Variants in SMG6 observed in about 807,000 individuals in gnomAD.
SMG6 encodes SMG6 nonsense mediated mRNA decay factor.
In SMG6, 66 loss-of-function variants were observed where a neutral mutation model predicts 142.2. The ratio of observed to expected loss-of-function variants is 0.46; its 90% CI spans 0.38 to 0.57. The LOEUF (loss-of-function observed/expected upper bound fraction) is 0.57, where lower values mean the gene tolerates loss of function less well. Among genes scored for constraint, SMG6 ranks in the 20% least tolerant of loss-of-function variants. SMG6 has a pLI of 0.00. For synonymous variants in SMG6, 779 were observed against 702.4 expected (o/e 1.11, Z -1.72); for missense variants, 1,793 against 1,832.0 (o/e 0.98, Z 0.39).
chr17:2,212,450 G>C (rs769615466), intron 10 of SMG6, among the ~76,000 whole-genome samples: 1 of 152,142 alleles, frequency 6.6e-6, no homozygotes, highest in Non-Finnish European at 1.5e-5. Context: ...AATCGATCAG[G>C]ACTGCAGTGC....
At chr17:2,270,042 CAAA>C (rs1194146858) in intron 8 of SMG6, among the ~76,000 whole-genome samples, 5 of 151,910 alleles carry the variant, frequency 3.3e-5, no homozygotes, top group Admixed American at 1.3e-4. Context: ...ACGAAAAAAA[CAAA>C]AAAACTAGCA....
Position 2,299,280 on chromosome 17 carries a change from T to A in SMG6, c.1473A>T (p.Ser491=). Residue 491 remains serine, a synonymous_variant, in exon 2 of 19, where the codon TCA becomes TCT. Coordinates refer to ENST00000263073, the MANE Select transcript of SMG6 (RefSeq NM_017575.5). This position sits in a 1 kb window ranked among gnomAD's most constrained non-coding sequence, Gnocchi z 4.3. ...TATAGTAAGATGCCTGAGCCTGGCG[T>A]GAGTCACCCCAAGATGTAGGGCTGA... ...DEVSPTSWGD[S]RQAQASYYKF... The A allele has an allele frequency of 6.2e-7, 1 of 1,614,132 alleles. No individual in the cohort carries two copies. Among genetic ancestry groups the A allele is most frequent in the Non-Finnish European group, 8.5e-7 (1 of 1,180,028 alleles).
At chr17:2,288,576 T>A (rs1354266521) in intron 6 of SMG6, among the ~76,000 whole-genome samples, 1 of 145,868 alleles carries the variant, frequency 6.9e-6, no homozygotes, top group Admixed American at 6.8e-5. Context: ...GAGCCAAGAT[T>A]AGGCCACTGC....
rs897009340 is a variant in SMG6, at chr17:2,065,020, G to A, written c.4129+53C>T. 17 of 1,402,084 alleles carry A rather than the reference G, an allele frequency of 1.2e-5. No individual in the cohort carries two copies. The African/African-American group carries it at 1.7e-4, about 14-fold the overall frequency. The allele number at this position is 1,402,084 out of a possible 1,614,324, so 86.9% of individuals were successfully genotyped here. ...CTTCTCAGGGGCTGAGGATGGGTAG[G>A]ATGAGGTAGGGCAGTGGGGATGGAA... On this transcript the variant is annotated intron_variant, in intron 18 of 18. Transcript: ENST00000263073.
At chr17:2,077,989 T>C (rs2068307296) in intron 15 of SMG6, among the ~76,000 whole-genome samples, 1 of 151,576 alleles carries the variant, frequency 6.6e-6, no homozygotes, top group African/African-American at 2.4e-5. Context: ...ATGCCAATAA[T>C]AGGGAATTAA....
intron 15 of SMG6, among the ~76,000 whole-genome samples, chr17:2,073,500 G>A (rs991546834): frequency 1.2e-4 from 18 of 151,496 alleles, no homozygotes; most frequent in Non-Finnish European, 2.5e-4. Flanking sequence ...CATGAGGTCA[G>A]GAGTTCGAGA....
chr17:2,303,591 G>A, intron 1 of SMG6, 42 bp downstream of exon 1: 1 of 1,381,852 alleles, frequency 7.2e-7, no homozygotes, highest in Non-Finnish European at 9.3e-7. Context: ...GAGGGAGGCG[G>A]GGCGGGCAGG....
intron 12 of SMG6, among the ~76,000 whole-genome samples, chr17:2,176,623 G>C (rs759038512): frequency 6.6e-6 from 1 of 152,176 alleles, no homozygotes; most frequent in South Asian, 2.1e-4. Flanking sequence ...CAATGAGCCT[G>C]CTTATGGCTC....
At chr17:2,227,703 C>T (rs73979433) in intron 10 of SMG6, among the ~76,000 whole-genome samples, 2,588 of 152,254 alleles carry the variant, frequency 0.017, 68 homozygotes, top group African/African-American at 0.058. Context: ...GAAGTGCATG[C>T]TTAAAATGGG....
intron 10 of SMG6, among the ~76,000 whole-genome samples, chr17:2,194,830 C>G (rs1388378616): frequency 2.6e-5 from 4 of 152,026 alleles, no homozygotes; most frequent in African/African-American, 9.7e-5. Context: ...CGGCAGGTTC[C>G]AGAGGATCCT....
At chr17:2,231,479 C>T (rs559294348) in intron 10 of SMG6, among the ~76,000 whole-genome samples, 7 of 152,232 alleles carry the variant, frequency 4.6e-5, no homozygotes, top group African/African-American at 1.2e-4. Flanking sequence ...GGACGGATCA[C>T]GAAGTCAGGA....
At chr17:2,230,238 G>GAAAAAA (rs1272246613) in intron 10 of SMG6, among the ~76,000 whole-genome samples, 7 of 29,414 alleles carry the variant, frequency 2.4e-4, no homozygotes, top group Admixed American at 4.3e-4. Context: ...GAAAGGAAAA[G>GAAAAAA]AAAAGTGTCC....
chr17:2,096,956 C>T (rs1368103921), intron 13 of SMG6, among the ~76,000 whole-genome samples: 2 of 152,130 alleles, frequency 1.3e-5, no homozygotes, highest in African/African-American at 2.4e-5. Flanking sequence ...ACTACTTGTA[C>T]GTCACAAAGT....
intron 15 of SMG6, among the ~76,000 whole-genome samples, chr17:2,080,442 C>T (rs1443308916): frequency 2.0e-5 from 3 of 151,730 alleles, no homozygotes; most frequent in African/African-American, 7.3e-5. Context: ...AACAAACAAA[C>T]AAAAAAAAGA....
At chr17:2,205,801 A>G (rs2072660286) in intron 10 of SMG6, among the ~76,000 whole-genome samples, 1 of 152,210 alleles carries the variant, frequency 6.6e-6, no homozygotes, top group South Asian at 2.1e-4. Flanking sequence ...ATAAATATAT[A>G]TGTGTATATA....
At chr17:2,076,861 G>C (rs2068273917) in intron 15 of SMG6, among the ~76,000 whole-genome samples, 2 of 152,294 alleles carry the variant, frequency 1.3e-5, no homozygotes, top group Admixed American at 6.5e-5. Context: ...GCCCGCAGCA[G>C]GCCTTCCATG....
At chr17:2,093,823 ATTGTTGGTC>A (rs1436788737) in intron 13 of SMG6, among the ~76,000 whole-genome samples, 1 of 152,112 alleles carries the variant, frequency 6.6e-6, no homozygotes, top group African/African-American at 2.4e-5. Context: ...GTCTTGCTAT[ATTGTTGGTC>A]TCAAACTCCT....
chr17:2,264,718 A>G (rs1328618962), intron 8 of SMG6, among the ~76,000 whole-genome samples: 1 of 151,878 alleles, frequency 6.6e-6, no homozygotes, highest in African/African-American at 2.4e-5. Context: ...CCTGACCCAC[A>G]TGGTGAAACC....
chr17:2,292,784 A>G (rs2075067139), intron 5 of SMG6, 87 bp downstream of exon 5: 7 of 1,404,164 alleles, frequency 5.0e-6, no homozygotes, highest in Admixed American at 3.4e-5. Flanking sequence ...GGACACCTGT[A>G]CAACACCCAC....
Sources: allele counts gnomAD v4.1 joint callset (sites outside exome capture counted in the v4.1 genomes callset), GRCh38; gene constraint gnomAD v4.1.1; non-coding constraint Gnocchi (gnomAD v3.1); transcripts MANE v1.5; gene names NCBI Gene and HGNC (gene_info 2026-07-23, HGNC 2026-07-21).